Variants in DENND2A observed in about 807,000 individuals in gnomAD.
The protein encoded by DENND2A is DENN domain containing 2A.
DENND2A carries 53 observed loss-of-function variants against 105.3 expected under a neutral mutation model. That is an observed-to-expected ratio of 0.50 (90% confidence interval 0.40 to 0.63). The LOEUF is 0.63. Ranked by LOEUF, DENND2A falls within the 30% of genes least tolerant of loss-of-function variation. The probability of loss-of-function intolerance (pLI) is 0.00; values close to 1 mark genes in which losing one functional copy is unlikely to be tolerated. For missense variants in DENND2A, 1,138 were observed against 1,279.6 expected (o/e 0.89, Z 1.69); for synonymous variants, 522 against 508.4 (o/e 1.03, Z -0.36).
intron 1 of DENND2A, among the ~76,000 whole-genome samples, chr7:140,637,155 C>A (rs1800970744): frequency 6.6e-6 from 1 of 151,924 alleles, no homozygotes; most frequent in Non-Finnish European, 1.5e-5. Flanking sequence ...TGGCCAATTT[C>A]TTTTACTTTT....
chr7:140,557,010 TTCTC>T (rs1250290266), intron 11 of DENND2A, among the ~76,000 whole-genome samples: 2 of 152,148 alleles, frequency 1.3e-5, no homozygotes, highest in African/African-American at 4.8e-5. Context: ...ATTCTGAATG[TTCTC>T]TCTAAGTGAT....
chr7:140,536,070 A>G (rs557619050), intron 14 of DENND2A, among the ~76,000 whole-genome samples: 1 of 152,272 alleles, frequency 6.6e-6, no homozygotes, highest in Admixed American at 6.5e-5. Flanking sequence ...TTCATAGAGA[A>G]GGCCGGGCAT....
intron 1 of DENND2A, among the ~76,000 whole-genome samples, chr7:140,628,967 T>A (rs894822731): frequency 1.3e-5 from 2 of 152,092 alleles, no homozygotes; most frequent in African/African-American, 4.8e-5. Context: ...TAAAAAATGG[T>A]CCCTGCCCTC....
intron 1 of DENND2A, among the ~76,000 whole-genome samples, chr7:140,621,991 C>T (rs1800311255): frequency 6.6e-6 from 1 of 152,176 alleles, no homozygotes; most frequent in African/African-American, 2.4e-5. Flanking sequence ...TTTAGGATTT[C>T]TTTGTAGGGG....
chr7:140,538,784 G>A (rs181101075), intron 14 of DENND2A, among the ~76,000 whole-genome samples: 119 of 151,612 alleles, frequency 7.8e-4, no homozygotes, highest in African/African-American at 2.7e-3. Context: ...GGGATTACAG[G>A]GATGAGCAAT....
In DENND2A at chr7:140,560,761, G is replaced by A. The variant is rs551531755; in HGVS notation, c.1780-944C>T. On this transcript the variant is annotated intron_variant, in intron 9 of 19. Coordinates refer to ENST00000496613, the MANE Select transcript of DENND2A (RefSeq NM_015689.5). ...AGCCTGGCCAACATGGGGAGACCCC[G>A]TCTGTACTAAAAATACAAAAAAATT... Among the ~76,000 whole-genome samples, 176 of 152,074 alleles carry A rather than the reference G, an allele frequency of 1.2e-3. 3 individuals are homozygous for A. The highest frequency in any genetic ancestry group is 3.5e-3 in the African/African-American group (145 of 41,512).
At chr7:140,597,739 C>A (rs1407468369) in intron 3 of DENND2A, among the ~76,000 whole-genome samples, 3 of 152,172 alleles carry the variant, frequency 2.0e-5, no homozygotes, top group African/African-American at 7.2e-5. Flanking sequence ...TTCCCAGAAT[C>A]AACCTGTCCC....
At chr7:140,624,156 A>G (rs753523403) in intron 1 of DENND2A, among the ~76,000 whole-genome samples, 1 of 152,202 alleles carries the variant, frequency 6.6e-6, no homozygotes, top group Admixed American at 6.5e-5. Flanking sequence ...ATCTGCCTTC[A>G]GGAAATGCTG....
rs895582992 is a variant in DENND2A, at chr7:140,529,450, T to A, written c.2328-1955A>T. Among the ~76,000 whole-genome samples, 6 of 152,334 alleles carry A rather than the reference T, an allele frequency of 3.9e-5. No individual in the cohort carries two copies. The East Asian group carries it at 1.2e-3, about 29-fold the overall frequency. On this transcript the variant is annotated intron_variant, in intron 14 of 19. Coordinates refer to ENST00000496613, the MANE Select transcript of DENND2A (RefSeq NM_015689.5). ...CCCAGCCATCCCATTACTGGGTATATACCCAAAGGATTGTAAATCATGCTG... is the reference window on the plus strand; with the variant it reads ...CCCAGCCATCCCATTACTGGGTATAAACCCAAAGGATTGTAAATCATGCTG...
At chr7:140,600,750 C>T (rs769782986) in intron 3 of DENND2A, among the ~76,000 whole-genome samples, 1 of 152,118 alleles carries the variant, frequency 6.6e-6, no homozygotes, top group Non-Finnish European at 1.5e-5. Context: ...AGGAGTTTTG[C>T]TCTAAAGCTG....
intron 14 of DENND2A, among the ~76,000 whole-genome samples, chr7:140,537,859 C>T (rs1796503678): frequency 6.6e-6 from 1 of 152,182 alleles, no homozygotes; most frequent in Non-Finnish European, 1.5e-5. Flanking sequence ...CTTTATCATT[C>T]AGCCTGGTCT....
At chr7:140,598,320 C>T (rs1799358808) in intron 3 of DENND2A, among the ~76,000 whole-genome samples, 1 of 152,266 alleles carries the variant, frequency 6.6e-6, no homozygotes, top group South Asian at 2.1e-4. Flanking sequence ...TAAATGGACA[C>T]TAACTTGATA....
chr7:140,618,406 G>A (rs972419338), intron 1 of DENND2A, among the ~76,000 whole-genome samples: 3 of 152,052 alleles, frequency 2.0e-5, no homozygotes, highest in East Asian at 1.9e-4. Context: ...CAGGTAGGCC[G>A]GAAACCCAGC....
At chr7:140,551,808 A>G (rs1343712890) in intron 12 of DENND2A, among the ~76,000 whole-genome samples, 1 of 152,210 alleles carries the variant, frequency 6.6e-6, no homozygotes, top group Non-Finnish European at 1.5e-5. Flanking sequence ...ACGCCTAGAA[A>G]TAGCTCAAGT....
intron 1 of DENND2A, among the ~76,000 whole-genome samples, chr7:140,623,697 G>A (rs973972734): frequency 1.3e-5 from 2 of 148,570 alleles, no homozygotes; most frequent in African/African-American, 5.0e-5. Flanking sequence ...CACAGCCTGG[G>A]TGACAGAGCA....
intron 9 of DENND2A, among the ~76,000 whole-genome samples, chr7:140,561,711 C>T (rs1302907096): frequency 6.8e-6 from 1 of 146,192 alleles, no homozygotes; most frequent in Non-Finnish European, 1.5e-5. Context: ...GACAGGGTTT[C>T]ACCATGTTGG....
intron 1 of DENND2A, among the ~76,000 whole-genome samples, chr7:140,623,808 G>A (rs943687601): frequency 4.6e-5 from 7 of 151,790 alleles, no homozygotes; most frequent in East Asian, 3.9e-4. Flanking sequence ...AGTATCAAAA[G>A]GTGTATAATT....
In DENND2A at chr7:140,527,568, TCC is replaced by T; in HGVS notation, c.2328-75_2328-74del. Reference sequence around the variant, plus strand: ...CGAGGAAGCCTCCAGGGGAGAAGGCTCCTCCCAGAGACAGGATGACTAGGAAA... The same window carrying T: ...CGAGGAAGCCTCCAGGGGAGAAGGCTTCCCAGAGACAGGATGACTAGGAAA... On this transcript the variant is annotated intron_variant, in intron 14 of 19. Coordinates refer to ENST00000496613, the MANE Select transcript of DENND2A (RefSeq NM_015689.5). This position sits in a 1 kb window ranked among gnomAD's most constrained non-coding sequence, Gnocchi z 4.9. 1 of 1,446,642 alleles carries T rather than the reference TCC, an allele frequency of 6.9e-7. No homozygotes were observed. The allele number at this position is 1,446,642 out of a possible 1,614,324, so 89.6% of individuals were successfully genotyped here.
chr7:140,551,244 G>A (rs987521330), intron 12 of DENND2A, among the ~76,000 whole-genome samples: 2 of 141,364 alleles, frequency 1.4e-5, no homozygotes, highest in Non-Finnish European at 3.0e-5. Flanking sequence ...AGGTTGCAGT[G>A]AGCCAAGATC....
Sources: allele counts gnomAD v4.1 joint callset (sites outside exome capture counted in the v4.1 genomes callset), GRCh38; gene constraint gnomAD v4.1.1; non-coding constraint Gnocchi (gnomAD v3.1); transcripts MANE v1.5; gene names NCBI Gene and HGNC (gene_info 2026-07-23, HGNC 2026-07-21).